IFT88: variants seen among roughly 807,000 people sequenced by gnomAD.
IFT88 encodes intraflagellar transport protein 88 homolog.
A neutral mutation model predicts 119.5 loss-of-function variants in IFT88; 74 were observed. The observed-to-expected ratio is 0.62, with a 90% confidence interval of 0.51 to 0.75. IFT88 has a LOEUF of 0.75. Among genes scored for constraint, IFT88 ranks in the 30% least tolerant of loss-of-function variants. The probability of loss-of-function intolerance (pLI) is 0.00; values close to 1 mark genes in which losing one functional copy is unlikely to be tolerated. For missense variants in IFT88, 961 were observed against 977.7 expected (o/e 0.98, Z 0.23); for synonymous variants, 279 against 316.7 (o/e 0.88, Z 1.26).
At chr13:20,572,955 G>A (rs1406692193) in intron 1 of IFT88, among the ~76,000 whole-genome samples, 6 of 152,138 alleles carry the variant, frequency 3.9e-5, no homozygotes, top group African/African-American at 7.2e-5. Flanking sequence ...ACTTCATTGC[G>A]TAAGTATGCC....
Position 20,582,972 on chromosome 13 carries a change from G to A in IFT88, c.106G>A (p.Ala36Thr), listed in dbSNP as rs373899277. ...IYDIEELEND[A>T]AFQQAVRTSH... ...TTCATTTTAGGAATTGGAGAATGAT[G>A]CAGCTTTTCAGCAAGCTGTGAGGAC... Residue 36 changes from alanine (A) to threonine (T), a missense_variant, in exon 3 of 26, where the codon GCA becomes ACA. Coordinates refer to ENST00000351808, the MANE Select transcript of IFT88 (RefSeq NM_006531.5). The A allele has an allele frequency of 3.1e-6, 5 of 1,612,398 alleles. No individual in the cohort carries two copies. In the African/African-American group the frequency reaches 6.7e-5, roughly 22 times the overall value.
At chr13:20,690,617 G>T (rs901200232) in intron 24 of IFT88, 88 bp from the exon 25 acceptor site, 14 of 836,688 alleles carry the variant, frequency 1.7e-5, no homozygotes, top group Non-Finnish European at 4.0e-6. Context: ...CTTGTTTCTT[G>T]GCAAATAAGT....
rs190284427 is a variant in IFT88, at chr13:20,606,729, A to T, written c.1112+1624A>T. On this transcript the variant is annotated intron_variant, in intron 13 of 25. Transcript: ENST00000351808. ...CCTCATCTTTACTAAAAATACAAAA[A>T]TTAGCCAGGCATGGTGGCATGTGCA... Among the ~76,000 whole-genome samples the T allele has an allele frequency of 5.7e-3, 869 of 152,116 alleles. 11 individuals carry two copies. Among genetic ancestry groups the T allele is most frequent in the African/African-American group, 0.02 (830 of 41,504 alleles).
At chr13:20,686,332 G>A (rs1168574328) in intron 24 of IFT88, among the ~76,000 whole-genome samples, 1 of 152,146 alleles carries the variant, frequency 6.6e-6, no homozygotes, top group Non-Finnish European at 1.5e-5. Flanking sequence ...TGCAGGAAAG[G>A]CAAGTACTTT....
chr13:20,597,254 G>A (rs1046167423), intron 9 of IFT88, 135 bp downstream of exon 9: 1 of 511,506 alleles, frequency 2.0e-6, no homozygotes, highest in Non-Finnish European at 3.5e-6. Context: ...ATAATCTTTA[G>A]TTCATAAAAC....
chr13:20,660,759 A>G (rs2053652120), intron 22 of IFT88, among the ~76,000 whole-genome samples: 1 of 152,154 alleles, frequency 6.6e-6, no homozygotes, highest in Non-Finnish European at 1.5e-5. Flanking sequence ...GATGTAGGAA[A>G]CTGGGGAAGA....
chr13:20,653,930 TA>T lies in IFT88; in HGVS notation c.2002+5del. 2 of 1,572,880 alleles carry T rather than the reference TA, an allele frequency of 1.3e-6. No homozygotes were observed. The highest frequency in any genetic ancestry group is 1.7e-6 in the Non-Finnish European group (2 of 1,152,156). On this transcript the variant is annotated splice_donor_region_variant and intron_variant, in intron 21 of 25. Transcript: ENST00000351808. ...TAGCTAGTTGTTTCAGAAGAAGTGG[TA>T]AATGCTTTAGTTTTATTCATTTTAT... is the stretch of plus-strand genomic sequence containing the variant.
At chr13:20,655,455 C>A (rs147170706) in intron 21 of IFT88, among the ~76,000 whole-genome samples, 110 of 145,534 alleles carry the variant, frequency 7.6e-4, no homozygotes, top group Admixed American at 2.1e-3. Context: ...AAAAAAAAAA[C>A]AAAAAAAACC....
chr13:20,673,515 A>C (rs1482963296), intron 24 of IFT88, among the ~76,000 whole-genome samples: 1 of 152,158 alleles, frequency 6.6e-6, no homozygotes, highest in African/African-American at 2.4e-5. Flanking sequence ...ATCCTTTGAC[A>C]TGAAGAATTG....
At chr13:20,649,900 T>G (rs1021613864) in intron 20 of IFT88, among the ~76,000 whole-genome samples, 3 of 152,112 alleles carry the variant, frequency 2.0e-5, no homozygotes, top group African/African-American at 7.2e-5. Context: ...GTCAAATTTG[T>G]AGAAACACAA....
rs2140987144 is a variant in IFT88 at position 20,670,993 on chromosome 13, T to G, written c.2196T>G (p.Asp732Glu). The G allele has an allele frequency of 6.2e-7, 1 of 1,614,050 alleles. No homozygotes were observed. The highest frequency in any genetic ancestry group is 8.5e-7 in the Non-Finnish European group (1 of 1,179,956). ...IREQRIKSGR[D>E]GSGGSRGKRE... Reference sequence around the variant, plus strand: ...TCTAGCGCATAAAGTCAGGCAGAGATGGCAGTGGGGGCTCCCGTGGCAAAA... The same window carrying G: ...TCTAGCGCATAAAGTCAGGCAGAGAGGGCAGTGGGGGCTCCCGTGGCAAAA... The change falls in exon 24 of 26, where the codon GAT (aspartate) becomes GAG (glutamate). Residue 732 changes from aspartate to glutamate, a missense_variant. Transcript: ENST00000351808.
chr13:20,605,353 G>C (rs1032264747), intron 13 of IFT88, among the ~76,000 whole-genome samples: 27 of 152,168 alleles, frequency 1.8e-4, no homozygotes, highest in African/African-American at 5.8e-4. Context: ...CAGTGCTCAT[G>C]CTAATCTCAA....
Position 20,601,601 on chromosome 13 carries a change from C to T in IFT88, c.813-104C>T, listed in dbSNP as rs557783616. On this transcript the variant is annotated intron_variant, in intron 11 of 25. Coordinates refer to ENST00000351808, the MANE Select transcript of IFT88 (RefSeq NM_006531.5). ...CAATAAAGCTTTAACAAAACAAAAA[C>T]GAAGTAAAGTGGGAGACGAAAAAAG... 1.3e-3 allele frequency: 806 copies of T among 640,314 alleles called. 7 individuals carry two copies. Among genetic ancestry groups the T allele is most frequent in the South Asian group, 0.011 (446 of 40,208 alleles). The allele number at this position is 640,314 out of a possible 1,614,324, so 39.7% of individuals were successfully genotyped here. A position where few individuals can be genotyped will look rare whatever the true frequency, so the allele number is the denominator to read the frequency against.
At chr13:20,580,630 A>G (rs564831565) in intron 2 of IFT88, among the ~76,000 whole-genome samples, 114 of 152,290 alleles carry the variant, frequency 7.5e-4, no homozygotes, top group Non-Finnish European at 1.5e-3. Flanking sequence ...AAATTTATGC[A>G]TAAATAATTT....
At position 20,691,429 on chromosome 13, in the gene IFT88, A is replaced by G. The variant is rs909915742; in HGVS notation, c.*254A>G. 6.2e-6 allele frequency: 2 copies of G among 322,062 alleles called. No homozygotes were observed. 20.0% of individuals were successfully genotyped at this position (322,062 alleles called of 1,614,324 possible). On this transcript the variant is annotated 3_prime_UTR_variant, in exon 26 of 26. Transcript: ENST00000351808. ...TGACACACAGGAAGAAATAAATTTC[A>G]TAACACAACCTAGTACATATATGTG...
At chr13:20,643,692 G>A in intron 19 of IFT88, 87 bp downstream of exon 19, 1 of 837,560 alleles carries the variant, frequency 1.2e-6, no homozygotes, top group Non-Finnish European at 1.9e-6. Flanking sequence ...AATTTTAGAA[G>A]ATCTTACCAG....
chr13:20,683,625 G>C (rs914923231), intron 24 of IFT88, among the ~76,000 whole-genome samples: 10 of 152,182 alleles, frequency 6.6e-5, no homozygotes, highest in Admixed American at 5.9e-4. Context: ...CGGATGGCCA[G>C]TGCTGTAGAG....
At chr13:20,607,762 A>G (rs552913790) in intron 13 of IFT88, 13 of 749,662 alleles carry the variant, frequency 1.7e-5, no homozygotes, top group African/African-American at 5.2e-5. Flanking sequence ...CTAGAATGTC[A>G]TTGCCTTCAG....
chr13:20,597,551 T>C (rs890646012), intron 9 of IFT88, among the ~76,000 whole-genome samples: 20 of 152,082 alleles, frequency 1.3e-4, no homozygotes, highest in Non-Finnish European at 2.5e-4. Flanking sequence ...GAGACCATCC[T>C]GGCTAACATG....
Sources: gnomAD v4.1 joint callset for allele counts (sites outside exome capture counted in the v4.1 genomes callset) on GRCh38, gnomAD v4.1.1 for gene constraint, MANE v1.5 for transcripts, NCBI Gene and HGNC (gene_info 2026-07-23, HGNC 2026-07-21) for gene names.